CACNA1F: variants seen among roughly 807,000 people sequenced by gnomAD.
The protein encoded by CACNA1F is voltage-dependent L-type calcium channel subunit alpha-1F.
CACNA1F carries 59 observed loss-of-function variants against 143.8 expected under a neutral mutation model. The observed-to-expected ratio is 0.41, with a 90% confidence interval of 0.33 to 0.51. The LOEUF (loss-of-function observed/expected upper bound fraction) is 0.51. Among genes scored for constraint, CACNA1F ranks in the 20% least tolerant of loss-of-function variants. The pLI is 0.22. For missense variants in CACNA1F, 1,411 were observed against 1,647.5 expected, an observed-to-expected ratio of 0.86 and a Z score of 2.48; for synonymous variants, 643 against 649.1, an observed-to-expected ratio of 0.99 and a Z score of 0.14.
intron 6 of CACNA1F, among the ~76,000 whole-genome samples, chrX:49,229,455 C>A (rs1199774253): frequency 9.0e-6 from 1 of 111,487 alleles, no homozygotes; most frequent in Non-Finnish European, 1.9e-5. Flanking sequence ...CGGCGCCCAG[C>A]CGAGGATAAA....
chrX:49,215,470 C>T lies in CACNA1F; in HGVS notation c.3310G>A (p.Val1104Met). 8.3e-7 allele frequency: 1 copy of T among 1,205,188 alleles called. No homozygotes were observed. Reference protein sequence around the residue: ...PIYNYRVEISVFFIVYIIIIA... With the variant: ...PIYNYRVEISMFFIVYIIIIA... The stretch of plus-strand genomic sequence containing the variant: ...ATGATGATGTAGACAATGAAGAACA[C>T]TGAGATCTCCACACGGTAATTATAG... The change falls in exon 28 of 48, where the codon GTG (valine) becomes ATG (methionine). Residue 1104 changes from valine (V) to methionine (M), a missense_variant. Val to Met is a conservative substitution (Grantham distance 21). Coordinates refer to ENST00000323022, the MANE Select transcript of CACNA1F (RefSeq NM_001256789.3).
Position 49,205,347 on chromosome X carries a change from CA to C in CACNA1F, c.5690del (p.Leu1897ArgfsTer24). The part of the protein sequence containing the change: ...LVEAVLISEG[L>X]GLFARDPRFV... Reference sequence around the variant, plus strand: ...AACGTGGGTCTCGAGCAAAGAGGCCCAGACCCTCTGAGATAAGCACCTGGGG... The same window carrying C: ...AACGTGGGTCTCGAGCAAAGAGGCCCGACCCTCTGAGATAAGCACCTGGGG... On this transcript the variant is annotated frameshift_variant, in exon 48 of 48. Coordinates refer to ENST00000323022, the MANE Select transcript of CACNA1F (RefSeq NM_001256789.3). LOFTEE classifies it high-confidence loss of function. 8.3e-7 allele frequency: 1 copy of C among 1,203,664 alleles called. No individual in the cohort carries two copies. The highest frequency in any genetic ancestry group is 1.1e-6 in the Non-Finnish European group (1 of 890,398).
chrX:49,226,275 C>T (rs2065822923), intron 11 of CACNA1F, 32 bp from the exon 12 acceptor site: 1 of 1,180,904 alleles, frequency 8.5e-7, no homozygotes, highest in East Asian at 3.0e-5. Context: ...AGGTGTGTGT[C>T]GTAAAGGGCA....
Position 49,230,546 on chromosome X carries a change from T to C in CACNA1F, c.585A>G (p.Gly195=). The change falls in exon 5 of 48, where the codon GGA becomes GGG. Residue 195 remains glycine, a synonymous_variant. Transcript: ENST00000323022. ...GRPGDAPHTG[G]KPGGFDVKAL... is the part of the protein sequence containing the mutation. ...CCTTCACATCGAAGCCTCCTGGCTTTCCCCCGGTGTGCGGGGCGTCGCCTG... is the reference window on the plus strand; with the variant it reads ...CCTTCACATCGAAGCCTCCTGGCTTCCCCCCGGTGTGCGGGGCGTCGCCTG... 3 of 1,191,029 alleles carry C rather than the reference T, an allele frequency of 2.5e-6. No homozygotes were observed. The highest frequency in any genetic ancestry group is 3.0e-5 in the East Asian group (1 of 32,892).
At chrX:49,230,764 GAA>G in intron 4 of CACNA1F, 84 bp downstream of exon 4, 1 of 1,110,982 alleles carries the variant, frequency 9.0e-7, no homozygotes, top group African/African-American at 1.8e-5. Flanking sequence ...GGGGCGGTCT[GAA>G]AGAGTCGCTT....
At chrX:49,229,850 C>T (rs1557110873) in intron 6 of CACNA1F, among the ~76,000 whole-genome samples, 2 of 107,497 alleles carry the variant, frequency 1.9e-5, no homozygotes, top group East Asian at 3.0e-4. Flanking sequence ...CAGGGTTTCA[C>T]CGTGTTAGCC....
chrX:49,223,060 G>A lies in CACNA1F; in HGVS notation c.1954C>T (p.Leu652Phe). The A allele has an allele frequency of 8.4e-7, 1 of 1,195,532 alleles. No homozygotes were observed. Among genetic ancestry groups the A allele is most frequent in the Non-Finnish European group, 1.1e-6 (1 of 883,681 alleles). ...MKSIASLLLL[L>F]FLFIIIFSLL... ...GAGAAGATAATGATGAAGAGGAAGA[G>A]GAGAAGCAGCAAGGATGCGATGGAT... Residue 652 changes from leucine (L) to phenylalanine (F), a missense_variant, in exon 15 of 48, where the codon CTC (leucine) becomes TTC (phenylalanine). By Grantham distance (22) the Leu-to-Phe change is conservative. Coordinates refer to ENST00000323022, the MANE Select transcript of CACNA1F (RefSeq NM_001256789.3).
rs781844464 is a variant in CACNA1F at position 49,206,995 on chromosome X, G to A, written c.5231+10C>T. 12 of 1,164,115 alleles carry A rather than the reference G, an allele frequency of 1.0e-5. No individual in the cohort carries two copies. The Middle Eastern group carries it at 1.2e-3, about 115-fold the overall frequency. On this transcript the variant is annotated intron_variant, in intron 44 of 47. Transcript: ENST00000323022. ...TCATGGGTTCATCCCATGTGGCATG[G>A]CCAGTGTACCGATCAGGGACTTCCT... is the stretch of plus-strand genomic sequence containing the variant.
At chrX:49,215,269 T>C (rs2065699970) in intron 28 of CACNA1F, 25 bp from the exon 29 acceptor site, 1 of 1,207,264 alleles carries the variant, frequency 8.3e-7, no homozygotes, top group Admixed American at 2.2e-5. Flanking sequence ...AGGGCATGAG[T>C]GAGCAGTGGG....
chrX:49,205,861 T>C, intron 46 of CACNA1F, 48 bp from the exon 47 acceptor site: 1 of 1,094,566 alleles, frequency 9.1e-7, no homozygotes, highest in Non-Finnish European at 1.2e-6. Context: ...GAGTAGGGTA[T>C]GAGGGTCTAG....
intron 27 of CACNA1F, among the ~76,000 whole-genome samples, chrX:49,216,143 G>A (rs782601377): frequency 1.9e-4 from 21 of 109,977 alleles, no homozygotes; most frequent in Admixed American, 1.6e-3. Context: ...CTTAGAAACC[G>A]CTGTCCAATT....
At chrX:49,215,592 C>T (rs1557107256) in intron 27 of CACNA1F, 49 bp from the exon 28 acceptor site, 2 of 854,052 alleles carry the variant, frequency 2.3e-6, no homozygotes, top group South Asian at 2.3e-5. Flanking sequence ...GAGGGGATAT[C>T]CCAGCCCCCT....
rs1557108938 is a variant in CACNA1F, at chrX:49,222,579, G to A, written c.2231C>T (p.Ala744Val). ...ACTGGCCAGGTTGTCCACAGCAATG[G>A]CAAGAAACACGTTCAACAGGATGTC... ...GNYILLNVFL[A>V]IAVDNLASGD... The change falls in exon 17 of 48, where the codon GCC (alanine) becomes GTC (valine). Residue 744 changes from alanine to valine, a missense_variant. Coordinates refer to ENST00000323022, the MANE Select transcript of CACNA1F (RefSeq NM_001256789.3). 4 of 1,210,850 alleles carry A rather than the reference G, an allele frequency of 3.3e-6. No homozygotes were observed. The highest frequency in any genetic ancestry group is 2.2e-6 in the Non-Finnish European group (2 of 895,008).
chrX:49,214,732 C>T (rs1602633670), intron 29 of CACNA1F, among the ~76,000 whole-genome samples: 1 of 111,865 alleles, frequency 8.9e-6, no homozygotes, highest in East Asian at 2.8e-4. Flanking sequence ...CCTACCTCTG[C>T]ACTTCTCAAT....
chrX:49,217,781 C>T lies in CACNA1F; in HGVS notation c.3063G>A (p.Glu1021=), dbSNP rs2065732543. Residue 1021 remains glutamate (E), a synonymous_variant, in exon 26 of 48, where the codon GAG becomes GAA. Coordinates refer to ENST00000323022, the MANE Select transcript of CACNA1F (RefSeq NM_001256789.3). ...FKGKFYTCTD[E]AKHTPQECKG... is the part of the protein sequence containing the mutation. ...TGCATTCTTGAGGGGTGTGTTTGGC[C>T]TCGTCCGTGCAGGTGTAGAATTTCC... 1 of 1,207,288 alleles carries T rather than the reference C, an allele frequency of 8.3e-7. No homozygotes were observed. The highest frequency in any genetic ancestry group is 1.8e-5 in the African/African-American group (1 of 56,549).
Position 49,218,725 on chromosome X carries a change from A to G in CACNA1F, c.2744T>C (p.Phe915Ser). 8.6e-7 allele frequency: 1 copy of G among 1,169,449 alleles called. No individual in the cohort carries two copies. Among genetic ancestry groups the G allele is most frequent in the Non-Finnish European group, 1.1e-6 (1 of 871,395 alleles). The change falls in exon 23 of 48, where the codon TTT (phenylalanine) becomes TCT (serine). Residue 915 changes from phenylalanine (F) to serine (S), a missense_variant. Physicochemically the swap from Phe to Ser is radical, Grantham distance 155. Transcript: ENST00000323022. Reference protein sequence around the residue: ...TVEILLKMTVFGAFLHRGSFC... With the variant: ...TVEILLKMTVSGAFLHRGSFC... ...GGAGCCGCGGTGCAGGAAGGCCCCA[A>G]ACACTGTCATCTGGGGACAGGACAA...
chrX:49,220,801 G>T (rs1300015346), intron 18 of CACNA1F, among the ~76,000 whole-genome samples: 8 of 111,794 alleles, frequency 7.2e-5, no homozygotes, highest in African/African-American at 2.6e-4. Context: ...AGCCGAGTGT[G>T]GTGGCGCATG....
rs1557109809 is a variant in CACNA1F, at chrX:49,226,066, G to T, written c.1494C>A (p.Arg498=). Residue 498 remains arginine, a synonymous_variant, in exon 13 of 48, where the codon CGC becomes CGA. Transcript: ENST00000323022. Reference sequence around the variant, plus strand: ...GGACCCGGTTGGCTCGGCGGAGGCGGCGGCTGGGGGAAGGGGAGCCCACAG... The same window carrying T: ...GGACCCGGTTGGCTCGGCGGAGGCGTCGGCTGGGGGAAGGGGAGCCCACAG... ...LNKIMKTRVC[R]RLRRANRVLR... is the part of the protein sequence containing the mutation. 8.4e-7 allele frequency: 1 copy of T among 1,188,737 alleles called. No individual in the cohort carries two copies. Among genetic ancestry groups the T allele is most frequent in the African/African-American group, 1.8e-5 (1 of 56,561 alleles).
rs1557106412 is a variant in CACNA1F at position 49,212,255 on chromosome X, G to A, written c.3996C>T (p.Val1332=). The part of the protein sequence containing the change: ...LIAMIFFIYA[V]IGMQMFGKVA... ...GGTCCCCACTTGCCTGCATGCCAAT[G>A]ACGGCATAGATGAAGAATATCATTG... Residue 1332 remains valine (V), a synonymous_variant, in exon 34 of 48, where the codon GTC becomes GTT. Coordinates refer to ENST00000323022, the MANE Select transcript of CACNA1F (RefSeq NM_001256789.3). 1.7e-6 allele frequency: 2 copies of A among 1,205,746 alleles called. No individual in the cohort carries two copies. Among genetic ancestry groups the A allele is most frequent in the African/African-American group, 3.5e-5 (2 of 57,193 alleles).
Sources: gnomAD v4.1 joint callset for allele counts (sites outside exome capture counted in the v4.1 genomes callset) on GRCh38, gnomAD v4.1.1 for gene constraint, MANE v1.5 for transcripts, NCBI Gene and HGNC (gene_info 2026-07-23, HGNC 2026-07-21) for gene names.